Variants in CNTNAP3 observed in about 807,000 individuals in gnomAD.
The protein encoded by CNTNAP3 is contactin-associated protein-like 3.
A neutral mutation model predicts 92.1 loss-of-function variants in CNTNAP3; 36 were observed. The observed-to-expected ratio is 0.39, with a 90% CI of 0.30 to 0.52. The LOEUF is 0.52. Among genes scored for constraint, CNTNAP3 ranks in the 20% least tolerant of loss-of-function variants. The pLI is 0.76. For synonymous variants in CNTNAP3, 232 were observed against 422.3 expected (o/e 0.55, Z 5.53); for missense variants, 534 against 1,069.6 (o/e 0.50, Z 6.98).
intron 14 of CNTNAP3, among the ~76,000 whole-genome samples, chr9:39,114,873 T>C (rs1398103994): frequency 2.0e-5 from 3 of 151,582 alleles, no homozygotes; most frequent in Non-Finnish European, 4.4e-5. Context: ...TGTGGATTTT[T>C]GCAGACAGCT....
chr9:39,087,855 C>T (rs1355797373), intron 19 of CNTNAP3, among the ~76,000 whole-genome samples: 1 of 152,122 alleles, frequency 6.6e-6, no homozygotes, highest in Non-Finnish European at 1.5e-5. Flanking sequence ...AGACTTAAAG[C>T]TTGGTCTTCT....
At chr9:39,081,922 CAAA>C (rs760745244) in intron 21 of CNTNAP3, among the ~76,000 whole-genome samples, 1 of 123,700 alleles carries the variant, frequency 8.1e-6, no homozygotes, top group African/African-American at 2.9e-5. Context: ...ACTAAAAATA[CAAA>C]AAAAAAAAAA....
At chr9:39,115,145 G>A (rs1820824533) in intron 14 of CNTNAP3, among the ~76,000 whole-genome samples, 1 of 151,584 alleles carries the variant, frequency 6.6e-6, no homozygotes. Flanking sequence ...TGATTACAGG[G>A]ACAACTTACG....
chr9:39,108,773 G>A (rs752373791), intron 15 of CNTNAP3, among the ~76,000 whole-genome samples: 1 of 152,080 alleles, frequency 6.6e-6, no homozygotes, highest in Non-Finnish European at 1.5e-5. Context: ...ATGTACAGAG[G>A]TCAGAAAATA....
intron 13 of CNTNAP3, among the ~76,000 whole-genome samples, chr9:39,124,699 A>G (rs1821115287): frequency 6.6e-6 from 1 of 152,140 alleles, no homozygotes; most frequent in Admixed American, 6.5e-5. Flanking sequence ...TGGGCGAAGT[A>G]TATGAACAGA....
chr9:39,079,293 G>C (rs1389381719), intron 21 of CNTNAP3, among the ~76,000 whole-genome samples: 1 of 150,252 alleles, frequency 6.7e-6, no homozygotes, highest in Non-Finnish European at 1.5e-5. Context: ...TAATCCGGAG[G>C]ATTACAGAAA....
rs1821749292 is a variant in CNTNAP3 at position 39,148,187 on chromosome 9, GC to G, written c.1649+1618del. Among the ~76,000 whole-genome samples the G allele has an allele frequency of 2.0e-5, 3 of 151,972 alleles. No homozygotes were observed. In the South Asian group the frequency reaches 6.2e-4, roughly 32 times the overall value. ...GATATAAATGCAGTCCCAGCTGTGT[GC>G]CAAGAATTCAAATCTCAAGGTCAAG... On this transcript the variant is annotated intron_variant, in intron 10 of 23. Coordinates refer to ENST00000297668, the MANE Select transcript of CNTNAP3 (RefSeq NM_033655.5).
At chr9:39,079,045 C>G in intron 21 of CNTNAP3, 125 bp from the exon 22 acceptor site, 1 of 1,441,086 alleles carries the variant, frequency 6.9e-7, no homozygotes, top group Non-Finnish European at 9.4e-7. Flanking sequence ...CCGAACCCCT[C>G]GTTCCTTCAC....
At chr9:39,083,990 GATTTTGGACC>G (rs1435266919) in intron 21 of CNTNAP3, among the ~76,000 whole-genome samples, 2 of 151,230 alleles carry the variant, frequency 1.3e-5, no homozygotes, top group African/African-American at 4.9e-5. Context: ...AATTATGATG[GATTTTGGACC>G]ATTTTTTTCT....
Position 39,070,791 on chromosome 9 carries a change from A to G in CNTNAP3, c.*3099T>C, listed in dbSNP as rs991054168. ...AAAACATTTCATGTACTCCATAAATATATACACCTAGTATGTACACAAAAA... is the reference window on the plus strand; with the variant it reads ...AAAACATTTCATGTACTCCATAAATGTATACACCTAGTATGTACACAAAAA... On this transcript the variant is annotated 3_prime_UTR_variant, in exon 24 of 24. Transcript: ENST00000297668. Among the ~76,000 whole-genome samples the G allele has an allele frequency of 6.6e-6, 1 of 152,292 alleles. No individual in the cohort carries two copies. Among genetic ancestry groups the G allele is most frequent in the Non-Finnish European group, 1.5e-5 (1 of 68,042 alleles).
chr9:39,101,634 G>C (rs1420184764), intron 17 of CNTNAP3, among the ~76,000 whole-genome samples: 4 of 147,230 alleles, frequency 2.7e-5, no homozygotes, highest in African/African-American at 7.5e-5. Flanking sequence ...AGGAAAACCG[G>C]GAGTGGGCTC....
At chr9:39,135,856 A>G (rs10974164) in intron 12 of CNTNAP3, among the ~76,000 whole-genome samples, 5 of 152,136 alleles carry the variant, frequency 3.3e-5, no homozygotes, top group Admixed American at 3.3e-4. Flanking sequence ...GTGGCCAGGC[A>G]TGGTGGCTCA....
At chr9:39,149,009 T>G (rs1240511609) in intron 10 of CNTNAP3, among the ~76,000 whole-genome samples, 2 of 152,204 alleles carry the variant, frequency 1.3e-5, no homozygotes, top group Non-Finnish European at 2.9e-5. Context: ...GTAATACTTA[T>G]TTGAATTAAA....
At chr9:39,103,431 A>T (rs1826516778) in intron 16 of CNTNAP3, among the ~76,000 whole-genome samples, 1 of 151,980 alleles carries the variant, frequency 6.6e-6, no homozygotes, top group Non-Finnish European at 1.5e-5. Flanking sequence ...AAAATACAAA[A>T]ATTAGCTGGG....
chr9:39,125,411 G>T (rs995007261), intron 13 of CNTNAP3, among the ~76,000 whole-genome samples: 5 of 152,134 alleles, frequency 3.3e-5, no homozygotes, highest in African/African-American at 9.7e-5. Flanking sequence ...TAATGTAAAT[G>T]ATGAGTTAAT....
At chr9:39,161,581 T>G in intron 9 of CNTNAP3, among the ~76,000 whole-genome samples, 1 of 98,610 alleles carries the variant, frequency 1.0e-5, no homozygotes, top group Admixed American at 1.1e-4. Flanking sequence ...TTTGGGAGGG[T>G]GAGGTGGGAG....
intron 13 of CNTNAP3, among the ~76,000 whole-genome samples, chr9:39,118,770 T>C (rs534757500): frequency 2.0e-5 from 3 of 152,364 alleles, no homozygotes; most frequent in Non-Finnish European, 4.4e-5. Flanking sequence ...TTTTATTGCA[T>C]TGGATGTCCT....
At position 39,073,265 on chromosome 9, in the gene CNTNAP3, G is replaced by C. The variant is rs2118348922; in HGVS notation, c.*625C>G. 1 of 175,572 alleles carries C rather than the reference G, an allele frequency of 5.7e-6. No homozygotes were observed. Among genetic ancestry groups the C allele is most frequent in the African/African-American group, 2.4e-5 (1 of 41,744 alleles). 10.9% of individuals were successfully genotyped at this position (175,572 alleles called of 1,614,324 possible). A position where few individuals can be genotyped will look rare whatever the true frequency, so the allele number is the denominator to read the frequency against. On this transcript the variant is annotated 3_prime_UTR_variant, in exon 24 of 24. Transcript: ENST00000297668. The stretch of plus-strand genomic sequence containing the variant: ...ATGGTAGTGTTTCCAGGCTTCAACT[G>C]TGTTGTATTAACCATCACACAGGAG...
At chr9:39,077,832 C>A (rs1190407173) in intron 23 of CNTNAP3, among the ~76,000 whole-genome samples, 3 of 146,706 alleles carry the variant, frequency 2.0e-5, no homozygotes, top group African/African-American at 7.3e-5. Flanking sequence ...TGTAACTGTT[C>A]TTCAAAAAAA....
Sources: allele counts gnomAD v4.1 joint callset (sites outside exome capture counted in the v4.1 genomes callset), GRCh38; gene constraint gnomAD v4.1.1; transcripts MANE v1.5; gene names NCBI Gene and HGNC (gene_info 2026-07-23, HGNC 2026-07-21).